Variants in IGF2R observed in about 807,000 individuals in gnomAD.
IGF2R encodes the protein insulin like growth factor 2 receptor.
IGF2R carries 91 observed loss-of-function variants against 270.6 expected under a neutral mutation model. The observed-to-expected ratio is 0.34, with a 90% CI of 0.28 to 0.40. The LOEUF (loss-of-function observed/expected upper bound fraction) is 0.40, where lower values mean the gene tolerates loss of function less well. IGF2R is among the 10% of genes least tolerant of loss of function. The pLI, the probability that IGF2R is intolerant of heterozygous loss-of-function variation, is 1.00. For synonymous variants in IGF2R, 1,316 were observed against 1,258.9 expected, an observed-to-expected ratio of 1.05 and a Z score of -0.96; for missense variants, 2,805 against 3,188.3, an observed-to-expected ratio of 0.88 and a Z score of 2.90.
chr6:160,040,421 T>C, intron 10 of IGF2R, 139 bp from the exon 11 acceptor site: 1 of 653,558 alleles, frequency 1.5e-6, no homozygotes, highest in East Asian at 2.7e-5. Context: ...CAGATCCCCA[T>C]GGTCTCTAAA....
At chr6:160,044,735 C>T (rs773550104) in intron 13 of IGF2R, 78 bp downstream of exon 13, 10 of 1,133,726 alleles carry the variant, frequency 8.8e-6, no homozygotes, top group Admixed American at 2.3e-5. Flanking sequence ...TGTTCCTCAT[C>T]AGTCACTGCA....
At chr6:160,070,814 C>G (rs183959770) in intron 31 of IGF2R, among the ~76,000 whole-genome samples, 38 of 152,192 alleles carry the variant, frequency 2.5e-4, no homozygotes, top group African/African-American at 7.7e-4. Flanking sequence ...GGTAGGGGAG[C>G]TTGGGATGGG....
chr6:160,064,965 T>C lies in IGF2R; in HGVS notation c.4115+64T>C, dbSNP rs1778532573. On this transcript the variant is annotated intron_variant, in intron 29 of 47. Transcript: ENST00000356956. ...ACTTGGTATGATTTTGCTTTAATAA[T>C]TAGTGGTCTTGGGTGCAGGGGATTA... The C allele has an allele frequency of 6.4e-6, 7 of 1,097,714 alleles. No homozygotes were observed. The South Asian group carries it at 8.7e-5, about 14-fold the overall frequency. The allele number at this position is 1,097,714 out of a possible 1,614,324, so 68.0% of individuals were successfully genotyped here. A position where few individuals can be genotyped will look rare whatever the true frequency, so the allele number is the denominator to read the frequency against.
At chr6:159,987,851 T>C (rs1449904159) in intron 1 of IGF2R, among the ~76,000 whole-genome samples, 1 of 152,178 alleles carries the variant, frequency 6.6e-6, no homozygotes, top group East Asian at 1.9e-4. Context: ...TGCCTTCGCC[T>C]CAAGTGCTGC....
Position 160,089,938 on chromosome 6 carries a change from A to G in IGF2R, c.6490A>G (p.Met2164Val), listed in dbSNP as rs1440989082. Residue 2164 changes from methionine (M) to valine (V), a missense_variant, in exon 44 of 48, where the codon ATG becomes GTG. Transcript: ENST00000356956. ...CAGGCTGTTCAGAGCCTCTGGGGAC[A>G]TGAGGACCAATGGGGACAACTACCT... The part of the protein sequence containing the change: ...YFKLFRASGD[M>V]RTNGDNYLYE... 6.3e-7 allele frequency: 1 copy of G among 1,593,160 alleles called. No individual in the cohort carries two copies. The highest frequency in any genetic ancestry group is 1.7e-4 in the Middle Eastern group (1 of 5,850).
rs137988074 is a variant in IGF2R, at chr6:160,044,520, A to G, written c.1628A>G (p.Asn543Ser). 32 of 1,603,144 alleles carry G rather than the reference A, an allele frequency of 2.0e-5. No individual in the cohort carries two copies. In the African/African-American group the frequency reaches 3.8e-4, roughly 19 times the overall value. The change falls in exon 13 of 48, where the codon AAT (asparagine) becomes AGT (serine). Residue 543 changes from asparagine to serine, a missense_variant. Around this residue, in one of 2 missense-constraint regions of IGF2R, gnomAD observed 954 missense variants for 981.1 expected, o/e 0.97. Coordinates refer to ENST00000356956, the MANE Select transcript of IGF2R (RefSeq NM_000876.4). Reference protein sequence around the residue: ...EDAAVCAVDKNGSKNLGKFIS... With the variant: ...EDAAVCAVDKSGSKNLGKFIS... ...CTCCCCCTTTCTCTTCCAGATAAAA[A>G]TGGAAGTAAAAATCTGGGAAAATTT...
At chr6:159,990,265 T>G (rs2115182607) in intron 1 of IGF2R, among the ~76,000 whole-genome samples, 1 of 152,326 alleles carries the variant, frequency 6.6e-6, no homozygotes, top group African/African-American at 2.4e-5. Context: ...AAATCTCAGC[T>G]TGTAGTTCCC....
chr6:160,102,969 CT>C lies in IGF2R; in HGVS notation c.6995+302del. Among the ~76,000 whole-genome samples, 1 of 152,272 alleles carries C rather than the reference CT, an allele frequency of 6.6e-6. No individual in the cohort carries two copies. The highest frequency in any genetic ancestry group is 2.4e-5 in the African/African-American group (1 of 41,544). On this transcript the variant is annotated intron_variant, in intron 46 of 47. Coordinates refer to ENST00000356956, the MANE Select transcript of IGF2R (RefSeq NM_000876.4). This position sits in a 1 kb window ranked among gnomAD's most constrained non-coding sequence, Gnocchi z 4.5. ...ATTAAACGGCACCTTTCATGGGTGC[CT>C]TTTCCCACTGAGCAGCTGACCCCTC... is the stretch of plus-strand genomic sequence containing the variant.
At chr6:160,065,027 C>A (rs1778533569) in intron 29 of IGF2R, 126 bp downstream of exon 29, 1 of 669,634 alleles carries the variant, frequency 1.5e-6, no homozygotes, top group South Asian at 1.7e-5. Flanking sequence ...TCGGTTTGCT[C>A]ATATTAAAAT....
At chr6:160,080,373 C>A in intron 39 of IGF2R, 98 bp downstream of exon 39, 1 of 1,176,168 alleles carries the variant, frequency 8.5e-7, no homozygotes, top group South Asian at 1.5e-5. Flanking sequence ...CAGTCAGTGG[C>A]AGGAATTCTC....
In IGF2R at chr6:160,043,217, A is replaced by G. The variant is rs1170137339; in HGVS notation, c.1550A>G (p.Asn517Ser). Residue 517 changes from asparagine (N) to serine (S), a missense_variant, in exon 12 of 48, where the codon AAT becomes AGT. Transcript: ENST00000356956. ...TETEKKHFFI[N>S]ICHRVLQEGK... ...ACAGAGAAGAAGCATTTTTTCATTAATATTTGTCACAGAGTGCTGCAGGAA... is the reference window on the plus strand; with the variant it reads ...ACAGAGAAGAAGCATTTTTTCATTAGTATTTGTCACAGAGTGCTGCAGGAA... 6.2e-7 allele frequency: 1 copy of G among 1,614,142 alleles called. No individual in the cohort carries two copies. Among genetic ancestry groups the G allele is most frequent in the Non-Finnish European group, 8.5e-7 (1 of 1,180,024 alleles).
chr6:160,043,972 A>G (rs1402069265), intron 12 of IGF2R, among the ~76,000 whole-genome samples: 1 of 152,230 alleles, frequency 6.6e-6, no homozygotes, highest in African/African-American at 2.4e-5. Flanking sequence ...CTTTACTAAG[A>G]AGGACTTTGG....
At chr6:160,023,345 A>G (rs1777478890) in intron 4 of IGF2R, among the ~76,000 whole-genome samples, 1 of 152,078 alleles carries the variant, frequency 6.6e-6, no homozygotes, top group Non-Finnish European at 1.5e-5. Context: ...TGGTTGAATG[A>G]TGGTGCCATT....
intron 11 of IGF2R, among the ~76,000 whole-genome samples, chr6:160,041,732 C>T (rs948640298): frequency 6.6e-6 from 1 of 152,200 alleles, no homozygotes; most frequent in Non-Finnish European, 1.5e-5. Context: ...TCACTGTGAA[C>T]CGCCTGGGCA....
chr6:160,034,438 A>T lies in IGF2R; in HGVS notation c.1231A>T (p.Thr411Ser). Reference sequence around the variant, plus strand: ...ATCTAGATATTCGGATGGAGACCTCACCTTGATATATTTTGGAGGTGATGA... The same window carrying T: ...ATCTAGATATTCGGATGGAGACCTCTCCTTGATATATTTTGGAGGTGATGA... Reference protein sequence around the residue: ...QTLRYSDGDLTLIYFGGDECS... With the variant: ...QTLRYSDGDLSLIYFGGDECS... Residue 411 changes from threonine to serine, a missense_variant, in exon 10 of 48, where the codon ACC becomes TCC. This residue lies in a region of IGF2R where 954 missense variants were observed against 981.1 expected (regional missense o/e 0.97). Coordinates refer to ENST00000356956, the MANE Select transcript of IGF2R (RefSeq NM_000876.4). 1 of 1,604,228 alleles carries T rather than the reference A, an allele frequency of 6.2e-7. No individual in the cohort carries two copies.
rs1444164069 is a variant in IGF2R at position 160,089,114 on chromosome 6, A to G, written c.6328A>G (p.Ile2110Val). The change falls in exon 43 of 48, where the codon ATC (isoleucine) becomes GTC (valine). Residue 2110 changes from isoleucine (I) to valine (V), a missense_variant. This residue lies in a region of IGF2R where 1,851 missense variants were observed against 2,207.2 expected (regional missense o/e 0.84). Coordinates refer to ENST00000356956, the MANE Select transcript of IGF2R (RefSeq NM_000876.4). ...VGRPAFKRFD[I>V]DSCTYYFSWD... is the part of the protein sequence containing the mutation. ...GTGCTTCCCTCCTCCTAGGTTTGAT[A>G]TCGACAGCTGCACTTACTACTTCAG... 2 of 1,613,068 alleles carry G rather than the reference A, an allele frequency of 1.2e-6. No homozygotes were observed. The highest frequency in any genetic ancestry group is 1.7e-6 in the Non-Finnish European group (2 of 1,179,358).
rs1368719800 is a variant in IGF2R at position 160,110,283 on chromosome 6, G to C, written c.*5199G>C. 7.2e-5 allele frequency: 11 copies of C among 152,332 alleles called. No homozygotes were observed. The highest frequency in any genetic ancestry group is 4.1e-4 in the South Asian group (2 of 4,826). The allele number at this position is 152,332 out of a possible 1,614,324, so 9.4% of individuals were successfully genotyped here. ...AGCATGCTGGGTGGGTGGTCTGTAT[G>C]AGACCACACCGTTGATGAGCAGTGA... On this transcript the variant is annotated 3_prime_UTR_variant, in exon 48 of 48. Coordinates refer to ENST00000356956, the MANE Select transcript of IGF2R (RefSeq NM_000876.4).
At chr6:160,078,834 T>C (rs1778911662) in intron 37 of IGF2R, among the ~76,000 whole-genome samples, 2 of 152,138 alleles carry the variant, frequency 1.3e-5, no homozygotes. Flanking sequence ...GCCCTGGAAT[T>C]GAGAGGCACT....
chr6:159,999,573 C>T (rs1046025239), intron 2 of IGF2R, among the ~76,000 whole-genome samples: 46 of 152,140 alleles, frequency 3.0e-4, no homozygotes, highest in Non-Finnish European at 2.9e-5. Flanking sequence ...CATCTGAGAA[C>T]GAACTTCTTT....
Sources: allele counts gnomAD v4.1 joint callset (sites outside exome capture counted in the v4.1 genomes callset), GRCh38; gene constraint gnomAD v4.1.1; regional missense constraint gnomAD v4.1.1; non-coding constraint Gnocchi (gnomAD v3.1); transcripts MANE v1.5; gene names NCBI Gene and HGNC (gene_info 2026-07-23, HGNC 2026-07-21).